Variants in RBM41 observed in about 807,000 individuals in gnomAD.
RBM41 encodes the protein RNA-binding protein 41.
Under a neutral mutation model 30.8 loss-of-function variants are expected in RBM41, and 14 were observed. The ratio of observed to expected loss-of-function variants is 0.45; its 90% CI spans 0.30 to 0.71. RBM41 has a LOEUF of 0.71. Among genes scored for constraint, RBM41 ranks in the 30% least tolerant of loss-of-function variants. RBM41 has a pLI of 0.08. For missense variants in RBM41, 276 were observed against 326.3 expected, an observed-to-expected ratio of 0.85 and a Z score of 1.19; for synonymous variants, 120 against 110.1, an observed-to-expected ratio of 1.09 and a Z score of -0.56.
downstream of RBM41, among the ~76,000 whole-genome samples, chrX:107,058,293 C>CAA (rs201428990): frequency 2.4e-3 from 109 of 44,896 alleles, no homozygotes; most frequent in South Asian, 5.2e-3. Context: ...AACTCCGTCT[C>CAA]AAAAAAAAAA....
At position 107,067,483 on chromosome X, in the gene RBM41, C is replaced by G. The variant is rs780411576; in HGVS notation, c.*44G>C. On this transcript the variant is annotated 3_prime_UTR_variant, in exon 8 of 8. Coordinates refer to ENST00000685964, the MANE Select transcript of RBM41 (RefSeq NM_001324242.2). ...ATACATAAATCCTAGATCCAAGATT[C>G]CAATTCAAGAAAGACCATCCAGGAC... 3 of 1,130,342 alleles carry G rather than the reference C, an allele frequency of 2.7e-6. No individual in the cohort carries two copies. Among genetic ancestry groups the G allele is most frequent in the Admixed American group, 2.6e-5 (1 of 38,945 alleles). 93.2% of individuals were successfully genotyped at this position (1,130,342 alleles called of 1,213,427 possible).
At chrX:107,083,918 T>TC (rs201622108) in intron 6 of RBM41, among the ~76,000 whole-genome samples, 1,541 of 98,850 alleles carry the variant, frequency 0.016, 33 homozygotes, top group African/African-American at 0.051. Flanking sequence ...AGAATGTGTG[T>TC]TTTTTTTTTT....
intron 5 of RBM41, among the ~76,000 whole-genome samples, chrX:107,093,109 A>C (rs1922690049): frequency 8.9e-6 from 1 of 111,954 alleles, no homozygotes; most frequent in Non-Finnish European, 1.9e-5. Context: ...TTAAGGATGC[A>C]TCAATAAATA....
At chrX:107,090,097 C>A (rs1480128228) in intron 5 of RBM41, among the ~76,000 whole-genome samples, 2 of 111,891 alleles carry the variant, frequency 1.8e-5, no homozygotes, top group African/African-American at 6.5e-5. Flanking sequence ...TAATGGAGGC[C>A]GGGCGTGGTG....
chrX:107,102,045 A>G (rs930225432), intron 5 of RBM41, among the ~76,000 whole-genome samples: 1 of 111,534 alleles, frequency 9.0e-6, no homozygotes, highest in African/African-American at 3.3e-5. Context: ...TCATGATTAC[A>G]TACACGTAAT....
At chrX:107,096,405 G>T (rs780093124) in intron 5 of RBM41, among the ~76,000 whole-genome samples, 15 of 112,081 alleles carry the variant, frequency 1.3e-4, no homozygotes, top group Non-Finnish European at 2.6e-4. Context: ...AGAGTATAAG[G>T]ATAGGCATAT....
chrX:107,060,223 C>T (rs1024074490), downstream of RBM41, among the ~76,000 whole-genome samples: 22 of 108,559 alleles, frequency 2.0e-4, no homozygotes, highest in African/African-American at 6.7e-4. Context: ...GGAGATGGGA[C>T]ATCTTCCTTA....
At chrX:107,055,989 T>C in the RBM41 span, among the ~76,000 whole-genome samples, 1 of 112,396 alleles carries the variant, frequency 8.9e-6, no homozygotes, top group South Asian at 3.7e-4. Context: ...TTTTCCCCTA[T>C]GATCAGGTGG....
chrX:107,095,236 T>C (rs1231287737), intron 5 of RBM41, among the ~76,000 whole-genome samples: 1 of 110,353 alleles, frequency 9.1e-6, no homozygotes, highest in African/African-American at 3.3e-5. Flanking sequence ...TAGAAAACTT[T>C]AAGGTATCCA....
chrX:107,114,534 T>A (rs934978576), intron 4 of RBM41: 1 of 111,862 alleles, frequency 8.9e-6, no homozygotes, highest in African/African-American at 3.2e-5. Context: ...AACTGAAATG[T>A]CATTACCTCT....
chrX:107,087,352 A>C (rs1469833928), intron 6 of RBM41, among the ~76,000 whole-genome samples: 1 of 111,119 alleles, frequency 9.0e-6, no homozygotes, highest in African/African-American at 3.3e-5. Context: ...CAATCAGTCA[A>C]ACAAACTGTT....
intron 5 of RBM41, among the ~76,000 whole-genome samples, chrX:107,104,268 A>C (rs891098370): frequency 8.9e-6 from 1 of 111,764 alleles, no homozygotes; most frequent in Non-Finnish European, 1.9e-5. Flanking sequence ...TACATGCTGA[A>C]GTATTTCGGG....
In RBM41 at chrX:107,063,651, T is replaced by C. The variant is rs763705121; in HGVS notation, c.*3876A>G. ...ACATAAAATTATTCATAATATGCCT[T>C]CATAATCTTTTTTATTTCTACAAGT... is the stretch of plus-strand genomic sequence containing the variant. On this transcript the variant is annotated 3_prime_UTR_variant, in exon 8 of 8. Coordinates refer to ENST00000685964, the MANE Select transcript of RBM41 (RefSeq NM_001324242.2). Among the ~76,000 whole-genome samples the C allele has an allele frequency of 1.8e-5, 2 of 111,848 alleles. No individual in the cohort carries two copies. The highest frequency in any genetic ancestry group is 3.8e-5 in the Non-Finnish European group (2 of 53,189).
chrX:107,091,866 G>A (rs1444465653), intron 5 of RBM41, among the ~76,000 whole-genome samples: 1 of 104,752 alleles, frequency 9.5e-6, no homozygotes, highest in African/African-American at 3.5e-5. Flanking sequence ...TCGTAAAGCT[G>A]CACAGTACTC....
chrX:107,067,817 T>C lies in RBM41; in HGVS notation c.1148-124A>G, dbSNP rs1181962800. On this transcript the variant is annotated intron_variant, in intron 7 of 7. Transcript: ENST00000685964. ...GCTATAAGGCCATATAGTCATTTGATTTGATCATTTTTTCTATAATCTCCC... is the reference window on the plus strand; with the variant it reads ...GCTATAAGGCCATATAGTCATTTGACTTGATCATTTTTTCTATAATCTCCC... 5.2e-6 allele frequency: 4 copies of C among 771,720 alleles called. No individual in the cohort carries two copies. In the African/African-American group the frequency reaches 8.6e-5, roughly 17 times the overall value. The allele number at this position is 771,720 out of a possible 1,213,427, so 63.6% of individuals were successfully genotyped here. A position where few individuals can be genotyped will look rare whatever the true frequency, so the allele number is the denominator to read the frequency against.
chrX:107,064,825 G>A lies in RBM41; in HGVS notation c.*2702C>T, dbSNP rs1223215747. 1 of 111,128 alleles carries A rather than the reference G, an allele frequency of 9.0e-6. No individual in the cohort carries two copies. Among genetic ancestry groups the A allele is most frequent in the Admixed American group, 9.6e-5 (1 of 10,460 alleles). 9.2% of individuals were successfully genotyped at this position (111,128 alleles called of 1,213,427 possible). A position where few individuals can be genotyped will look rare whatever the true frequency, so the allele number is the denominator to read the frequency against. The stretch of plus-strand genomic sequence containing the variant: ...ATGTTGTTCAAGTCTTCTATTTCCT[G>A]GTTTATCTTCTGTCTAGGTGCTCTA... On this transcript the variant is annotated 3_prime_UTR_variant, in exon 8 of 8. Transcript: ENST00000685964.
intron 5 of RBM41, among the ~76,000 whole-genome samples, chrX:107,106,346 A>G (rs1481919004): frequency 1.3e-4 from 14 of 111,630 alleles, no homozygotes; most frequent in South Asian, 3.8e-4. Flanking sequence ...TTAGAATGGC[A>G]ATCATTAAAA....
intron 5 of RBM41, among the ~76,000 whole-genome samples, chrX:107,090,551 C>T (rs1256248120): frequency 1.8e-5 from 2 of 111,571 alleles, no homozygotes; most frequent in Middle Eastern, 4.6e-3. Flanking sequence ...TATTGCTTCT[C>T]GGCTTTCTGG....
intron 5 of RBM41, among the ~76,000 whole-genome samples, chrX:107,093,931 A>C (rs1005100380): frequency 3.6e-5 from 4 of 111,984 alleles, no homozygotes; most frequent in African/African-American, 1.3e-4. Flanking sequence ...AGGGAATGAA[A>C]AACAATTATT....
Sources: allele counts gnomAD v4.1 joint callset (sites outside exome capture counted in the v4.1 genomes callset), GRCh38; gene constraint gnomAD v4.1.1; transcripts MANE v1.5; gene names NCBI Gene and HGNC (gene_info 2026-07-23, HGNC 2026-07-21).